ANKRD30A: variants seen among roughly 807,000 people sequenced by gnomAD.
ANKRD30A encodes ankyrin repeat domain-containing protein 30A.
Under a neutral mutation model 166.3 loss-of-function variants are expected in ANKRD30A, and 170 were observed. The ratio of observed to expected loss-of-function variants is 1.02; its 90% CI spans 0.90 to 1.16. The LOEUF (loss-of-function observed/expected upper bound fraction) is 1.16. ANKRD30A is among the 50% of genes most tolerant of loss of function. The probability of loss-of-function intolerance (pLI) is 0.00; values close to 1 mark genes in which losing one functional copy is unlikely to be tolerated. For missense variants in ANKRD30A, 1,630 were observed against 1,518.0 expected (o/e 1.07, Z -1.23); for synonymous variants, 564 against 508.9 (o/e 1.11, Z -1.46).
chr10:37,167,661 G>A (rs61866723), intron 19 of ANKRD30A, among the ~76,000 whole-genome samples: 2 of 151,842 alleles, frequency 1.3e-5, no homozygotes, highest in African/African-American at 4.9e-5. Context: ...CTTCCTGCAT[G>A]AGTGGATTAA....
At chr10:37,148,399 G>A (rs909556474) in intron 9 of ANKRD30A, among the ~76,000 whole-genome samples, 1 of 152,088 alleles carries the variant, frequency 6.6e-6, no homozygotes, top group African/African-American at 2.4e-5. Flanking sequence ...GAGAAAGGAA[G>A]TGATGGAAAA....
chr10:37,259,642 T>C, the ANKRD30A span, among the ~76,000 whole-genome samples: 35 of 152,284 alleles, frequency 2.3e-4, no homozygotes, highest in African/African-American at 7.0e-4. Flanking sequence ...ATTCTTACAA[T>C]AAAATACTAT....
At chr10:37,153,190 C>T (rs1838088057) in intron 12 of ANKRD30A, among the ~76,000 whole-genome samples, 1 of 152,100 alleles carries the variant, frequency 6.6e-6, no homozygotes, top group Non-Finnish European at 1.5e-5. Context: ...CTGTATGTGT[C>T]CTGGCAAGTA....
At chr10:37,145,204 C>A in intron 8 of ANKRD30A, 148 bp downstream of exon 8, 1 of 488,254 alleles carries the variant, frequency 2.0e-6, no homozygotes, top group Non-Finnish European at 3.3e-6. Flanking sequence ...TGGCTGGGCA[C>A]GGTGACTCAT....
intron 31 of ANKRD30A, among the ~76,000 whole-genome samples, chr10:37,205,825 G>A (rs895255562): frequency 6.6e-6 from 1 of 152,280 alleles, no homozygotes; most frequent in Non-Finnish European, 1.5e-5. Context: ...CAGACTTGAG[G>A]TCATGCAATT....
intron 11 of ANKRD30A, among the ~76,000 whole-genome samples, chr10:37,150,312 C>G (rs1285574999): frequency 6.6e-6 from 1 of 151,720 alleles, no homozygotes; most frequent in Non-Finnish European, 1.5e-5. Flanking sequence ...TTAGTGAACT[C>G]TGTGTGTTTG....
chr10:37,138,960 C>T (rs1426666083), intron 6 of ANKRD30A, among the ~76,000 whole-genome samples: 1 of 152,086 alleles, frequency 6.6e-6, no homozygotes, highest in African/African-American at 2.4e-5. Flanking sequence ...GAAAAAATGT[C>T]AAGGGCAGCC....
At chr10:37,236,227 C>T (rs1177679294), downstream of ANKRD30A, among the ~76,000 whole-genome samples, 2 of 152,144 alleles carry the variant, frequency 1.3e-5, no homozygotes, top group East Asian at 1.9e-4. Flanking sequence ...TCTCCTATTT[C>T]TTTCCCTGAG....
At position 37,219,507 on chromosome 10, in the gene ANKRD30A, TA is replaced by T. The variant is rs762095870; in HGVS notation, c.3797del (p.Asn1266IlefsTer9). The part of the protein sequence containing the change: ...AQRKSKSLKI[N>X]LNYAGDALRE... The stretch of plus-strand genomic sequence containing the variant: ...AAAGGAAATCCAAAAGCCTAAAAAT[TA>T]ATCTCAATTATGCAGGAGATGCTCT... On this transcript the variant is annotated frameshift_variant, in exon 34 of 36. Transcript: ENST00000361713. LOFTEE classifies it high-confidence loss of function. The T allele has an allele frequency of 1.9e-5, 30 of 1,610,260 alleles. No homozygotes were observed. The South Asian group carries it at 3.0e-4, about 16-fold the overall frequency.
chr10:37,159,721 GT>G (rs911696204), intron 15 of ANKRD30A, among the ~76,000 whole-genome samples: 1 of 151,432 alleles, frequency 6.6e-6, no homozygotes, highest in Middle Eastern at 3.4e-3. Context: ...TTTTGTTTTT[GT>G]TTTTTTGAGA....
the ANKRD30A span, among the ~76,000 whole-genome samples, chr10:37,250,974 C>A: frequency 6.6e-6 from 1 of 152,142 alleles, no homozygotes; most frequent in African/African-American, 2.4e-5. Context: ...TGGACAGCCA[C>A]CCCAGTCAAG....
In ANKRD30A at chr10:37,197,312, A is replaced by G. The variant is rs771377658; in HGVS notation, c.2643+3A>G. Reference sequence around the variant, plus strand: ...CCGAGAAGCCATCTGCCTTCGAGGTATTTAGTTTTATGATTTCATTTTGAA... The same window carrying G: ...CCGAGAAGCCATCTGCCTTCGAGGTGTTTAGTTTTATGATTTCATTTTGAA... On this transcript the variant is annotated splice_donor_region_variant and intron_variant, in intron 28 of 35. Transcript: ENST00000361713. 1.3e-5 allele frequency: 21 copies of G among 1,612,988 alleles called. No homozygotes were observed. The highest frequency in any genetic ancestry group is 1.7e-5 in the Non-Finnish European group (20 of 1,179,684).
At chr10:37,254,978 G>A in the ANKRD30A span, among the ~76,000 whole-genome samples, 94,909 of 151,834 alleles carry the variant, frequency 0.63, 30,402 homozygotes, top group South Asian at 0.75. Flanking sequence ...CACTGCGCCC[G>A]GCCCTCTCCT....
intron 11 of ANKRD30A, among the ~76,000 whole-genome samples, chr10:37,151,165 T>G (rs781733763): frequency 3.7e-4 from 57 of 152,250 alleles, no homozygotes; most frequent in Non-Finnish European, 3.7e-4. Context: ...TAAGTTTTAG[T>G]TGTGCATGTT....
chr10:37,197,044 C>T (rs1841191728), intron 27 of ANKRD30A, among the ~76,000 whole-genome samples: 1 of 152,168 alleles, frequency 6.6e-6, no homozygotes, highest in African/African-American at 2.4e-5. Flanking sequence ...ACACGTGAAA[C>T]ACAATCTCGC....
chr10:37,140,847 A>T (rs952482626), intron 6 of ANKRD30A, among the ~76,000 whole-genome samples: 18 of 152,182 alleles, frequency 1.2e-4, no homozygotes, highest in South Asian at 4.1e-4. Context: ...GACCTCTGTA[A>T]GTTAGGTTTT....
intron 34 of ANKRD30A, among the ~76,000 whole-genome samples, chr10:37,221,624 A>G (rs531809749): frequency 2.3e-4 from 35 of 151,462 alleles, no homozygotes; most frequent in African/African-American, 7.2e-4. Context: ...AAATGTGCTT[A>G]TTTTTAAAAC....
intron 13 of ANKRD30A, among the ~76,000 whole-genome samples, chr10:37,153,929 T>C (rs770540145): frequency 5.9e-5 from 9 of 152,064 alleles, no homozygotes; most frequent in Non-Finnish European, 1.2e-4. Flanking sequence ...AAGAATGTAG[T>C]AATAGAGTAA....
At chr10:37,214,206 TATTAATAC>T (rs1195236754) in intron 31 of ANKRD30A, among the ~76,000 whole-genome samples, 3 of 151,666 alleles carry the variant, frequency 2.0e-5, no homozygotes, top group Non-Finnish European at 4.4e-5. Context: ...TGTACTTTGG[TATTAATAC>T]AACCACCCTT....
Sources: gnomAD v4.1 joint callset for allele counts (sites outside exome capture counted in the v4.1 genomes callset) on GRCh38, gnomAD v4.1.1 for gene constraint, MANE v1.5 for transcripts, NCBI Gene and HGNC (gene_info 2026-07-23, HGNC 2026-07-21) for gene names.